The following UMODL1 variants were observed in gnomAD, a reference collection of about 807,000 sequenced individuals.
UMODL1 encodes uromodulin-like 1.
In UMODL1, 128 loss-of-function variants were observed where a neutral mutation model predicts 136.3. That is an observed-to-expected ratio of 0.94 (90% confidence interval 0.81 to 1.09). The LOEUF is 1.09. Ranked by LOEUF, UMODL1 falls within the 50% of genes least tolerant of loss-of-function variation. UMODL1 has a pLI of 0.00. For synonymous variants in UMODL1, 721 were observed against 720.0 expected, an observed-to-expected ratio of 1.00 and a Z score of -0.02; for missense variants, 1,766 against 1,725.6, an observed-to-expected ratio of 1.02 and a Z score of -0.41.
At chr21:42,105,524 G>A (rs903036033) in intron 9 of UMODL1, among the ~76,000 whole-genome samples, 1 of 152,240 alleles carries the variant, frequency 6.6e-6, no homozygotes, top group Non-Finnish European at 1.5e-5. Context: ...TAGAATAAGG[G>A]TGTTTGCAGA....
intron 17 of UMODL1, 51 bp from the exon 18 acceptor site, chr21:42,126,294 T>TG (rs750609843): frequency 1.2e-6 from 2 of 1,608,784 alleles, no homozygotes; most frequent in South Asian, 2.2e-5. Context: ...CAGCAGGGCG[T>TG]GGGGGGCCGG....
rs756428262 is a variant in UMODL1 at position 42,113,810 on chromosome 21, C to G, written c.2342C>G (p.Ala781Gly). The change falls in exon 13 of 23, where the codon GCT becomes GGT. Residue 781 changes from alanine (A) to glycine (G), a missense_variant. Coordinates refer to ENST00000408910, the MANE Select transcript of UMODL1 (RefSeq NM_001004416.3). ...GCATGTGGGAAAGAAGGTGCCAGAG[C>G]TCATCTGAAAGTGAGGACAGGTAAT... ...AKACGKEGAR[A>G]HLKVRTAARK... is the part of the protein sequence containing the mutation. The G allele has an allele frequency of 6.2e-7, 1 of 1,613,676 alleles. No homozygotes were observed. Among genetic ancestry groups the G allele is most frequent in the Non-Finnish European group, 8.5e-7 (1 of 1,179,800 alleles).
At chr21:42,092,393 G>T (rs201772363) in intron 6 of UMODL1, among the ~76,000 whole-genome samples, 74 of 147,696 alleles carry the variant, frequency 5.0e-4, no homozygotes, top group Non-Finnish European at 7.8e-4. Context: ...GGGTTTTTTT[G>T]TTTTTTTTTT....
At chr21:42,136,128 C>A (rs1483018160) in intron 21 of UMODL1, among the ~76,000 whole-genome samples, 2 of 152,076 alleles carry the variant, frequency 1.3e-5, no homozygotes, top group Non-Finnish European at 2.9e-5. Flanking sequence ...GTCACATCTC[C>A]CCCTGGGCTC....
At chr21:42,124,244 C>T (rs1304949819) in intron 17 of UMODL1, among the ~76,000 whole-genome samples, 3 of 152,232 alleles carry the variant, frequency 2.0e-5, no homozygotes, top group Non-Finnish European at 4.4e-5. Context: ...CCAGCACCTT[C>T]CACCAGCTCA....
intron 9 of UMODL1, among the ~76,000 whole-genome samples, chr21:42,107,311 C>T (rs987801545): frequency 2.0e-5 from 3 of 152,194 alleles, no homozygotes; most frequent in Non-Finnish European, 4.4e-5. Flanking sequence ...GCGTAAGAGG[C>T]CTTGTGGGTC....
At chr21:42,067,427 A>G (rs1215175480), upstream of UMODL1, among the ~76,000 whole-genome samples, 1 of 152,224 alleles carries the variant, frequency 6.6e-6, no homozygotes, top group Non-Finnish European at 1.5e-5. Context: ...TTAAAACACC[A>G]TTAAATTAGA....
At chr21:42,075,249 G>C (rs555207929) in intron 1 of UMODL1, among the ~76,000 whole-genome samples, 1,592 of 151,920 alleles carry the variant, frequency 0.01, 24 homozygotes, top group African/African-American at 0.036. Context: ...GATGGGGGGG[G>C]GGTTTCACCA....
At chr21:42,098,829 T>G in intron 6 of UMODL1, 97 bp from the exon 7 acceptor site, 9 of 1,531,338 alleles carry the variant, frequency 5.9e-6, no homozygotes, top group Non-Finnish European at 7.9e-6. Flanking sequence ...AATAAATCAG[T>G]GAGAACCAAG....
At chr21:42,135,351 AG>A (rs1274210729) in intron 21 of UMODL1, among the ~76,000 whole-genome samples, 13 of 152,222 alleles carry the variant, frequency 8.5e-5, no homozygotes, top group Admixed American at 7.8e-4. Context: ...GGTGTCAGTC[AG>A]TGGGCAGCAC....
intron 17 of UMODL1, among the ~76,000 whole-genome samples, chr21:42,125,545 G>C (rs1476525992): frequency 6.6e-6 from 1 of 152,166 alleles, no homozygotes; most frequent in Non-Finnish European, 1.5e-5. Context: ...CCCTCAAATG[G>C]CACAACTTAA....
At chr21:42,138,992 A>G (rs1481491294) in intron 22 of UMODL1, among the ~76,000 whole-genome samples, 1 of 152,048 alleles carries the variant, frequency 6.6e-6, no homozygotes, top group Non-Finnish European at 1.5e-5. Context: ...AGATAGAAAG[A>G]CTCCATCTCT....
Position 42,127,358 on chromosome 21 carries a change from A to G in UMODL1, c.3530+116A>G, listed in dbSNP as rs920750801. On this transcript the variant is annotated intron_variant, in intron 19 of 22. Coordinates refer to ENST00000408910, the MANE Select transcript of UMODL1 (RefSeq NM_001004416.3). ...CAGCAATGCCCAGGGCTTCATTAACAATAGGTAGGGCTCAGGAGTGCAGGC... is the reference window on the plus strand; with the variant it reads ...CAGCAATGCCCAGGGCTTCATTAACGATAGGTAGGGCTCAGGAGTGCAGGC... 8 of 1,026,658 alleles carry G rather than the reference A, an allele frequency of 7.8e-6. No individual in the cohort carries two copies. The Admixed American group carries it at 1.5e-4, about 19-fold the overall frequency. The allele number at this position is 1,026,658 out of a possible 1,614,324, so 63.6% of individuals were successfully genotyped here. A position where few individuals can be genotyped will look rare whatever the true frequency, so the allele number is the denominator to read the frequency against.
intron 3 of UMODL1, among the ~76,000 whole-genome samples, chr21:42,084,507 G>A (rs1380103879): frequency 3.3e-5 from 5 of 152,166 alleles, no homozygotes; most frequent in African/African-American, 4.8e-5. Context: ...GCAGAGACCC[G>A]GATTTCCCAG....
intron 6 of UMODL1, among the ~76,000 whole-genome samples, chr21:42,094,810 C>T (rs534243581): frequency 1.1e-3 from 160 of 152,266 alleles, no homozygotes; most frequent in Non-Finnish European, 2.0e-3. Flanking sequence ...GCTGTCCAGC[C>T]ACGGGAACAG....
intron 20 of UMODL1, among the ~76,000 whole-genome samples, chr21:42,129,367 A>T (rs910104593): frequency 6.6e-6 from 1 of 152,134 alleles, no homozygotes; most frequent in Non-Finnish European, 1.5e-5. Context: ...ACCTTTGGAG[A>T]ACACAGAGGG....
intron 9 of UMODL1, among the ~76,000 whole-genome samples, chr21:42,109,197 T>C (rs1240022314): frequency 1.3e-5 from 2 of 151,932 alleles, no homozygotes; most frequent in African/African-American, 2.4e-5. Context: ...TACTTTCCTA[T>C]TTCTTGGTTG....
intron 9 of UMODL1, among the ~76,000 whole-genome samples, chr21:42,107,077 G>A (rs780172249): frequency 7.9e-5 from 12 of 152,212 alleles, no homozygotes; most frequent in South Asian, 4.1e-4. Context: ...TCCGCCTCAC[G>A]GGGCTCCTTT....
intron 1 of UMODL1, among the ~76,000 whole-genome samples, 155 bp from the exon 2 acceptor site, chr21:42,075,850 C>G (rs1417681344): frequency 1.3e-5 from 2 of 152,272 alleles, no homozygotes; most frequent in Non-Finnish European, 2.9e-5. Context: ...CAGGCAAAGG[C>G]CAGTGGAGAG....
Sources: gnomAD v4.1 joint callset for allele counts (sites outside exome capture counted in the v4.1 genomes callset) on GRCh38, gnomAD v4.1.1 for gene constraint, MANE v1.5 for transcripts, NCBI Gene and HGNC (gene_info 2026-07-23, HGNC 2026-07-21) for gene names.